The following PEX5L variants were observed in gnomAD, a reference collection of about 807,000 sequenced individuals.
PEX5L encodes the protein PEX5-related protein.
Under a neutral mutation model 84.0 loss-of-function variants are expected in PEX5L, and 30 were observed. The ratio of observed to expected loss-of-function variants is 0.36; its 90% CI spans 0.27 to 0.48. The LOEUF (loss-of-function observed/expected upper bound fraction) is 0.48, where lower values mean the gene tolerates loss of function less well. Among genes scored for constraint, PEX5L ranks in the 20% least tolerant of loss-of-function variants. The probability of loss-of-function intolerance (pLI) is 0.99; values close to 1 mark genes in which losing one functional copy is unlikely to be tolerated. For missense variants in PEX5L, 533 were observed against 754.6 expected, an observed-to-expected ratio of 0.71 and a Z score of 3.44; for synonymous variants, 270 against 283.1, an observed-to-expected ratio of 0.95 and a Z score of 0.46.
chr3:179,959,859 A>AT, intron 2 of PEX5L, among the ~76,000 whole-genome samples: 1 of 152,248 alleles, frequency 6.6e-6, no homozygotes. Context: ...AGGACAAATT[A>AT]TTTTTTAGAA....
At chr3:179,903,989 T>C (rs1367081621) in intron 2 of PEX5L, among the ~76,000 whole-genome samples, 1 of 152,224 alleles carries the variant, frequency 6.6e-6, no homozygotes, top group Non-Finnish European at 1.5e-5. Context: ...TTGTCTTAAA[T>C]AGAGATTCAT....
intron 1 of PEX5L, among the ~76,000 whole-genome samples, chr3:180,017,292 T>A (rs1309575205): frequency 2.0e-5 from 3 of 152,196 alleles, no homozygotes; most frequent in Non-Finnish European, 2.9e-5. Context: ...GAAAGGGACA[T>A]TTTCCTCACA....
At position 179,801,269 on chromosome 3, in the gene PEX5L, C is replaced by A; in HGVS notation, c.*559G>T. 1 of 153,664 alleles carries A rather than the reference C, an allele frequency of 6.5e-6. No homozygotes were observed. 9.5% of individuals were successfully genotyped at this position (153,664 alleles called of 1,614,324 possible). ...CTAGTGCAAAAACTGCTTTTGCCAG[C>A]AAAGCTCCCTCTCTGGAATCAAAGG... On this transcript the variant is annotated 3_prime_UTR_variant, in exon 15 of 15. Coordinates refer to ENST00000467460, the MANE Select transcript of PEX5L (RefSeq NM_016559.3).
At chr3:179,900,567 A>G in intron 2 of PEX5L, 1 of 778,466 alleles carries the variant, frequency 1.3e-6, no homozygotes, top group East Asian at 2.7e-5. Context: ...CAAAACAAAA[A>G]TTAGTCCTTT....
intron 2 of PEX5L, among the ~76,000 whole-genome samples, chr3:179,917,809 G>A (rs1244418539): frequency 1.3e-5 from 2 of 152,132 alleles, no homozygotes; most frequent in East Asian, 3.9e-4. Flanking sequence ...ACAGGCATGG[G>A]CCACCATTCT....
At chr3:179,859,301 G>A (rs950087244) in intron 7 of PEX5L, 144 bp from the exon 8 acceptor site, 18 of 641,802 alleles carry the variant, frequency 2.8e-5, no homozygotes, top group Non-Finnish European at 4.6e-5. Flanking sequence ...GTACTGTGCT[G>A]GTATGATGTT....
chr3:180,032,874 C>G (rs1182817855), intron 1 of PEX5L, among the ~76,000 whole-genome samples: 1 of 151,856 alleles, frequency 6.6e-6, no homozygotes, highest in Non-Finnish European at 1.5e-5. Flanking sequence ...AAAGGTGGTA[C>G]CAGGAGGGAA....
intron 2 of PEX5L, among the ~76,000 whole-genome samples, chr3:179,899,194 GC>G (rs1217188503): frequency 6.6e-6 from 1 of 151,926 alleles, no homozygotes; most frequent in Non-Finnish European, 1.5e-5. Context: ...TAATGGGAAA[GC>G]CCCCCAAAAT....
intron 2 of PEX5L, among the ~76,000 whole-genome samples, chr3:179,903,772 G>C (rs572383038): frequency 6.6e-6 from 1 of 152,334 alleles, no homozygotes; most frequent in African/African-American, 2.4e-5. Context: ...TCCCAGTAAA[G>C]TGTGCTCCTG....
intron 2 of PEX5L, among the ~76,000 whole-genome samples, chr3:179,945,607 G>A (rs1419916241): frequency 2.6e-5 from 4 of 152,130 alleles, no homozygotes; most frequent in Non-Finnish European, 4.4e-5. Context: ...TCCCACGGAG[G>A]CTAGTACAGG....
chr3:179,821,386 C>A (rs1293446345), intron 8 of PEX5L, among the ~76,000 whole-genome samples: 1 of 152,190 alleles, frequency 6.6e-6, no homozygotes, highest in African/African-American at 2.4e-5. Context: ...TTGAGGTTAA[C>A]CTTCACCTTT....
At chr3:179,970,667 C>A (rs1409407214) in intron 2 of PEX5L, among the ~76,000 whole-genome samples, 1 of 151,988 alleles carries the variant, frequency 6.6e-6, no homozygotes, top group African/African-American at 2.4e-5. Flanking sequence ...GTCATTTTTC[C>A]TTTTTTCAGA....
intron 2 of PEX5L, chr3:179,902,818 CAG>C: frequency 1.4e-5 from 5 of 363,208 alleles, no homozygotes; most frequent in Admixed American, 1.3e-4. Context: ...AACAATTATC[CAG>C]AGTTTCTTTA....
chr3:179,938,386 TGCATC>T (rs1217300853), intron 2 of PEX5L, among the ~76,000 whole-genome samples: 1 of 152,218 alleles, frequency 6.6e-6, no homozygotes, highest in African/African-American at 2.4e-5. Context: ...TTCAAAATTG[TGCATC>T]TGCACAAAAG....
intron 2 of PEX5L, among the ~76,000 whole-genome samples, chr3:179,966,431 C>T (rs1446700888): frequency 6.6e-6 from 1 of 152,074 alleles, no homozygotes; most frequent in African/African-American, 2.4e-5. Context: ...ATTGATATGA[C>T]CAAGAAAGCA....
chr3:180,026,926 G>A (rs1184884922), intron 1 of PEX5L, among the ~76,000 whole-genome samples: 1 of 152,164 alleles, frequency 6.6e-6, no homozygotes, highest in Non-Finnish European at 1.5e-5. Context: ...CAGTCTTGGT[G>A]AGAAGCCAAT....
chr3:179,853,470 T>C (rs1294761289), intron 8 of PEX5L, among the ~76,000 whole-genome samples: 1 of 152,192 alleles, frequency 6.6e-6, no homozygotes, highest in East Asian at 1.9e-4. Flanking sequence ...CATAATTCTC[T>C]GTAGAAATCT....
intron 4 of PEX5L, among the ~76,000 whole-genome samples, chr3:179,882,942 A>T (rs565399233): frequency 8.5e-5 from 13 of 152,132 alleles, no homozygotes; most frequent in South Asian, 2.1e-4. Flanking sequence ...TAAAAAAATT[A>T]AAAAAAATTA....
intron 1 of PEX5L, among the ~76,000 whole-genome samples, chr3:180,013,854 C>A (rs1036825387): frequency 6.6e-6 from 1 of 152,118 alleles, no homozygotes; most frequent in Non-Finnish European, 1.5e-5. Context: ...TTCTACCTTT[C>A]TTTTTGTCCA....
Sources: allele counts gnomAD v4.1 joint callset (sites outside exome capture counted in the v4.1 genomes callset), GRCh38; gene constraint gnomAD v4.1.1; transcripts MANE v1.5; gene names NCBI Gene and HGNC (gene_info 2026-07-23, HGNC 2026-07-21).